Variants in CA10 observed in about 807,000 individuals in gnomAD.
CA10 encodes the protein carbonic anhydrase-related protein 10.
Under a neutral mutation model 44.2 loss-of-function variants are expected in CA10, and 14 were observed. That is an observed-to-expected ratio of 0.32 (90% CI 0.21 to 0.50). The LOEUF is 0.50. Ranked by LOEUF, CA10 falls within the 20% of genes least tolerant of loss-of-function variation. The pLI is 0.99. For synonymous variants in CA10, 159 were observed against 141.6 expected (o/e 1.12, Z -0.87); for missense variants, 350 against 409.7 (o/e 0.85, Z 1.26).
In CA10 at chr17:51,631,552, C is replaced by T; in HGVS notation, c.*32G>A. 6.3e-7 allele frequency: 1 copy of T among 1,597,766 alleles called. No homozygotes were observed. The highest frequency in any genetic ancestry group is 2.2e-5 in the East Asian group (1 of 44,760). ...ACGTCAATTCACAGTTGTAGCATTT[C>T]ACTGAGGTGGGATTCTTCTTGGCTT... On this transcript the variant is annotated 3_prime_UTR_variant, in exon 9 of 9. Coordinates refer to ENST00000451037, the MANE Select transcript of CA10 (RefSeq NM_020178.5).
At chr17:51,918,774 T>C (rs1447232614) in intron 3 of CA10, among the ~76,000 whole-genome samples, 2 of 152,204 alleles carry the variant, frequency 1.3e-5, no homozygotes, top group Non-Finnish European at 1.5e-5. Flanking sequence ...GCTGAATGGC[T>C]TATTTTCACA....
intron 2 of CA10, among the ~76,000 whole-genome samples, chr17:52,036,988 A>C (rs1386795423): frequency 6.6e-6 from 1 of 152,180 alleles, no homozygotes; most frequent in African/African-American, 2.4e-5. Context: ...CAGTGAGCAG[A>C]GAGTGGCAGA....
At chr17:52,038,294 T>G (rs997451160) in intron 2 of CA10, among the ~76,000 whole-genome samples, 1 of 152,160 alleles carries the variant, frequency 6.6e-6, no homozygotes, top group African/African-American at 2.4e-5. Context: ...TAGGCACACT[T>G]GTCAAAAGTA....
chr17:52,148,109 C>T (rs970605137), intron 1 of CA10, among the ~76,000 whole-genome samples: 2 of 152,254 alleles, frequency 1.3e-5, no homozygotes, highest in African/African-American at 4.8e-5. Flanking sequence ...TTTTCTGACA[C>T]AAGACTGAAA....
At chr17:51,690,156 C>T (rs1915141766) in intron 4 of CA10, among the ~76,000 whole-genome samples, 1 of 152,254 alleles carries the variant, frequency 6.6e-6, no homozygotes, top group East Asian at 1.9e-4. Context: ...CCATGTTGGC[C>T]AGGCTGATCT....
intron 2 of CA10, among the ~76,000 whole-genome samples, chr17:52,008,960 T>C (rs542491897): frequency 2.6e-5 from 4 of 152,104 alleles, no homozygotes; most frequent in Middle Eastern, 3.4e-3. Context: ...TCTTATCTTT[T>C]TGACTTTGGT....
At chr17:51,842,901 A>AACTATGCAGAATGGGT (rs1183987320) in intron 3 of CA10, among the ~76,000 whole-genome samples, 1 of 152,194 alleles carries the variant, frequency 6.6e-6, no homozygotes, top group Non-Finnish European at 1.5e-5. Flanking sequence ...GCAGAATGGG[A>AACTATGCAGAATGGGT]ACTATGCAGA....
At chr17:52,089,870 G>A (rs527848694) in intron 1 of CA10, among the ~76,000 whole-genome samples, 113 of 152,076 alleles carry the variant, frequency 7.4e-4, no homozygotes, top group African/African-American at 2.7e-3. Context: ...GGGAGAGATG[G>A]GGAATACAAT....
rs189193468 is a variant in CA10 at position 52,121,709 on chromosome 17, C to A, written c.61+36017G>T. ...ACACACACACACACACACACCAGGG[C>A]AAAATATTAACTTCCAATCACTGCT... On this transcript the variant is annotated intron_variant, in intron 1 of 8. Coordinates refer to ENST00000451037, the MANE Select transcript of CA10 (RefSeq NM_020178.5). 7.3e-5 allele frequency among the ~76,000 whole-genome samples: 11 copies of A among 151,094 alleles called. No individual in the cohort carries two copies. In the East Asian group the frequency reaches 2.1e-3, roughly 30 times the overall value.
rs117165792 is a variant in CA10, at chr17:52,020,702, A to G, written c.136+51617T>C. Among the ~76,000 whole-genome samples, 490 of 152,104 alleles carry G rather than the reference A, an allele frequency of 3.2e-3. 11 individuals carry two copies. In the East Asian group the frequency reaches 0.05, roughly 16 times the overall value. On this transcript the variant is annotated intron_variant, in intron 2 of 8. Coordinates refer to ENST00000451037, the MANE Select transcript of CA10 (RefSeq NM_020178.5). ...CAGGGGGTACATAAGTAGGTTTGTT[A>G]CATGGATATATTGCATGATGCTGAT...
chr17:52,141,080 T>C (rs984312744), intron 1 of CA10, among the ~76,000 whole-genome samples: 1 of 152,146 alleles, frequency 6.6e-6, no homozygotes, highest in Non-Finnish European at 1.5e-5. Flanking sequence ...TTCAAAGAGC[T>C]GGCAGAAGAA....
chr17:51,917,251 A>G (rs1247249030), intron 3 of CA10, among the ~76,000 whole-genome samples: 1 of 152,192 alleles, frequency 6.6e-6, no homozygotes, highest in Non-Finnish European at 1.5e-5. Flanking sequence ...GATACACATG[A>G]TGGGCTCTGA....
intron 2 of CA10, among the ~76,000 whole-genome samples, chr17:51,952,368 G>A (rs184478960): frequency 1.3e-5 from 2 of 152,152 alleles, no homozygotes; most frequent in African/African-American, 2.4e-5. Context: ...CTGAGGTACC[G>A]GGGGTTAGGA....
chr17:51,981,360 T>C (rs547161610), intron 2 of CA10, among the ~76,000 whole-genome samples: 1 of 152,112 alleles, frequency 6.6e-6, no homozygotes, highest in African/African-American at 2.4e-5. Context: ...CAAAGATCGA[T>C]TGACACATGC....
intron 3 of CA10, among the ~76,000 whole-genome samples, chr17:51,771,519 C>T (rs1043315423): frequency 6.6e-6 from 1 of 152,166 alleles, no homozygotes; most frequent in South Asian, 2.1e-4. Flanking sequence ...TGCCTACTCT[C>T]TGTAATGGCT....
chr17:52,073,350 G>C (rs577549312), intron 1 of CA10, among the ~76,000 whole-genome samples: 1 of 152,112 alleles, frequency 6.6e-6, no homozygotes, highest in African/African-American at 2.4e-5. Flanking sequence ...TGTATAGAGA[G>C]AAGATTTACT....
chr17:51,839,500 CAAAAAAAAA>C (rs34200978), intron 3 of CA10, among the ~76,000 whole-genome samples: 5 of 36,288 alleles, frequency 1.4e-4, no homozygotes, highest in Non-Finnish European at 1.8e-4. Context: ...GACTCCTTCT[CAAAAAAAAA>C]AAAAAAAAAA....
chr17:52,068,772 G>A (rs531888075), intron 2 of CA10, among the ~76,000 whole-genome samples: 24 of 152,338 alleles, frequency 1.6e-4, no homozygotes, highest in Admixed American at 4.6e-4. Context: ...ATCTTAGTGT[G>A]TCTTTTGTAC....
chr17:51,787,014 G>A (rs1254546077), intron 3 of CA10, among the ~76,000 whole-genome samples: 1 of 152,126 alleles, frequency 6.6e-6, no homozygotes, highest in East Asian at 1.9e-4. Flanking sequence ...TTGCATCCCA[G>A]GGATAATCTC....
Sources: gnomAD v4.1 joint callset for allele counts (sites outside exome capture counted in the v4.1 genomes callset) on GRCh38, gnomAD v4.1.1 for gene constraint, MANE v1.5 for transcripts, NCBI Gene and HGNC (gene_info 2026-07-23, HGNC 2026-07-21) for gene names.